Variants in CTIF observed in about 807,000 individuals in gnomAD.
The protein encoded by CTIF is cap binding complex dependent translation initiation factor.
Under a neutral mutation model 66.0 loss-of-function variants are expected in CTIF, and 21 were observed. The observed-to-expected ratio is 0.32, with a 90% CI of 0.23 to 0.46. The LOEUF is 0.46. Among genes scored for constraint, CTIF ranks in the 20% least tolerant of loss-of-function variants. The pLI is 1.00. For missense variants in CTIF, 739 were observed against 812.7 expected (o/e 0.91, Z 1.10); for synonymous variants, 345 against 326.4 (o/e 1.06, Z -0.62).
chr18:48,833,048 G>A (rs773753690), intron 10 of CTIF, among the ~76,000 whole-genome samples: 19 of 152,170 alleles, frequency 1.2e-4, no homozygotes, highest in Non-Finnish European at 2.1e-4. Context: ...GTGGGGAAGG[G>A]CAAAGAGGAT....
At chr18:48,728,890 AGTGTCAGGAG>A in intron 7 of CTIF, among the ~76,000 whole-genome samples, 1 of 152,324 alleles carries the variant, frequency 6.6e-6, no homozygotes. Context: ...CAAGAGTTTG[AGTGTCAGGAG>A]GTGGGGACCA....
chr18:48,806,714 A>G (rs2068155504), intron 9 of CTIF, among the ~76,000 whole-genome samples: 1 of 152,098 alleles, frequency 6.6e-6, no homozygotes, highest in African/African-American at 2.4e-5. Context: ...GCCTGTATAC[A>G]GCTGTTTTTG....
chr18:48,731,730 G>A (rs974596963), intron 7 of CTIF, among the ~76,000 whole-genome samples: 3 of 152,172 alleles, frequency 2.0e-5, no homozygotes, highest in Non-Finnish European at 4.4e-5. Flanking sequence ...CCACTGCAGT[G>A]ACTTCATTCC....
intron 7 of CTIF, among the ~76,000 whole-genome samples, chr18:48,751,203 G>T (rs1438297914): frequency 1.3e-5 from 2 of 152,146 alleles, no homozygotes. Context: ...CGAGTCCAGG[G>T]CCTGCGTTTG....
At chr18:48,769,413 GC>G (rs1364424962) in intron 9 of CTIF, among the ~76,000 whole-genome samples, 1 of 152,246 alleles carries the variant, frequency 6.6e-6, no homozygotes, top group Non-Finnish European at 1.5e-5. Context: ...CCAGAAAAGG[GC>G]TGTTTTTCTA....
chr18:48,553,904 G>C (rs1317476690), intron 1 of CTIF, among the ~76,000 whole-genome samples: 1 of 151,848 alleles, frequency 6.6e-6, no homozygotes, highest in Non-Finnish European at 1.5e-5. Context: ...CTCGTAATCT[G>C]CCTGCCTCGG....
In CTIF at chr18:48,664,499, C is replaced by A. The variant is rs1443832008; in HGVS notation, c.379C>A (p.Arg127Ser). Reference protein sequence around the residue: ...PEKLDFTQFHRKVRHTPKQPL... With the variant: ...PEKLDFTQFHSKVRHTPKQPL... Reference sequence around the variant, plus strand: ...AAAGCTGGACTTCACCCAGTTCCACCGCAAAGTCCGACACACGCCCAAGCA... The same window carrying A: ...AAAGCTGGACTTCACCCAGTTCCACAGCAAAGTCCGACACACGCCCAAGCA... The change falls in exon 5 of 12, where the codon CGC becomes AGC. Residue 127 changes from arginine to serine, a missense_variant. Coordinates refer to ENST00000256413, the MANE Select transcript of CTIF (RefSeq NM_014772.3). 19 of 1,613,386 alleles carry A rather than the reference C, an allele frequency of 1.2e-5. No individual in the cohort carries two copies. The highest frequency in any genetic ancestry group is 1.6e-5 in the Non-Finnish European group (19 of 1,179,996).
chr18:48,612,164 C>A lies in CTIF; in HGVS notation c.-28-7374C>A, dbSNP rs931553763. ...ACACCAACATGGTTGAATTATCAGG[C>A]CAGAGCTTGAGGGCCGCAGACTGTC... On this transcript the variant is annotated intron_variant, in intron 1 of 11. Transcript: ENST00000256413. Among the ~76,000 whole-genome samples, 5 of 152,222 alleles carry A rather than the reference C, an allele frequency of 3.3e-5. No individual in the cohort carries two copies. In the South Asian group the frequency reaches 1.0e-3, roughly 31 times the overall value.
intron 1 of CTIF, among the ~76,000 whole-genome samples, chr18:48,550,276 G>A (rs1034046113): frequency 2.6e-5 from 4 of 152,216 alleles, no homozygotes; most frequent in African/African-American, 4.8e-5. Flanking sequence ...CTAGGCAGCA[G>A]GACTGGAAAG....
intron 6 of CTIF, among the ~76,000 whole-genome samples, chr18:48,705,994 C>T (rs1031126123): frequency 1.3e-5 from 2 of 152,188 alleles, no homozygotes; most frequent in African/African-American, 2.4e-5. Flanking sequence ...CTGATATTCT[C>T]CATCAGGTGC....
chr18:48,625,284 T>G (rs2090573708), intron 2 of CTIF: 2 of 862,400 alleles, frequency 2.3e-6, no homozygotes, highest in Non-Finnish European at 2.8e-6. Flanking sequence ...GGGGATTTAT[T>G]ATATATTTTC....
rs192729824 is a variant in CTIF at position 48,694,768 on chromosome 18, A to T, written c.508-16851A>T. On this transcript the variant is annotated intron_variant, in intron 6 of 11. Coordinates refer to ENST00000256413, the MANE Select transcript of CTIF (RefSeq NM_014772.3). ...TATAGTCAGAGAGAATGGTACAACC[A>T]GTCTCCTTAAAGCATCTGGATTCTC... Among the ~76,000 whole-genome samples, 179 of 152,382 alleles carry T rather than the reference A, an allele frequency of 1.2e-3. 1 individual carries two copies. Among genetic ancestry groups the T allele is most frequent in the African/African-American group, 3.2e-3 (135 of 41,596 alleles).
intron 1 of CTIF, among the ~76,000 whole-genome samples, chr18:48,593,425 G>A (rs777639515): frequency 4.0e-5 from 6 of 148,310 alleles, no homozygotes; most frequent in Middle Eastern, 3.2e-3. Flanking sequence ...CTGTCGCCCA[G>A]GCCAGAGTGC....
intron 1 of CTIF, among the ~76,000 whole-genome samples, chr18:48,609,707 GGCTGTCCA>G (rs1378907627): frequency 5.3e-5 from 8 of 152,192 alleles, no homozygotes; most frequent in Non-Finnish European, 1.2e-4. Context: ...CCAGGGATAT[GGCTGTCCA>G]GCTGTCTGGT....
intron 7 of CTIF, among the ~76,000 whole-genome samples, chr18:48,752,299 A>G (rs1907905768): frequency 6.6e-6 from 1 of 152,124 alleles, no homozygotes; most frequent in African/African-American, 2.4e-5. Context: ...CAGCGTTGTT[A>G]GGAGGGAGTG....
At chr18:48,596,022 T>C (rs2089981719) in intron 1 of CTIF, among the ~76,000 whole-genome samples, 2 of 152,158 alleles carry the variant, frequency 1.3e-5, no homozygotes, top group African/African-American at 4.8e-5. Context: ...ATCACAGAAG[T>C]GACATCCTAT....
intron 1 of CTIF, among the ~76,000 whole-genome samples, chr18:48,600,942 T>C (rs1214664536): frequency 1.3e-5 from 2 of 152,178 alleles, no homozygotes; most frequent in Non-Finnish European, 2.9e-5. Context: ...GTTAAGCTTG[T>C]TGAAATCTGA....
chr18:48,576,431 C>T (rs577945409), intron 1 of CTIF, among the ~76,000 whole-genome samples: 1 of 152,198 alleles, frequency 6.6e-6, no homozygotes, highest in Non-Finnish European at 1.5e-5. Context: ...GGTTCATCTG[C>T]GGACCTTGCT....
rs140475428 is a variant in CTIF, at chr18:48,820,703, GTCAC to G, written c.1527+3334_1527+3337del. Among the ~76,000 whole-genome samples the G allele has an allele frequency of 6.7e-3, 1,027 of 152,282 alleles. 11 individuals carry two copies. The highest frequency in any genetic ancestry group is 0.024 in the African/African-American group (989 of 41,552). ...CACGCCACGGCCTTTCCGCTGTCAAGTCACTCACTCCATCCCCTGCGTCTGTACC... is the reference window on the plus strand; with the variant it reads ...CACGCCACGGCCTTTCCGCTGTCAAGTCACTCCATCCCCTGCGTCTGTACC... On this transcript the variant is annotated intron_variant, in intron 10 of 11. Transcript: ENST00000256413.
Sources: gnomAD v4.1 joint callset for allele counts (sites outside exome capture counted in the v4.1 genomes callset) on GRCh38, gnomAD v4.1.1 for gene constraint, MANE v1.5 for transcripts, NCBI Gene and HGNC (gene_info 2026-07-23, HGNC 2026-07-21) for gene names.